The following CDK14 variants were observed in gnomAD, a reference collection of about 807,000 sequenced individuals.
CDK14 encodes cyclin dependent kinase 14.
CDK14 carries 34 observed loss-of-function variants against 60.7 expected under a neutral mutation model. The ratio of observed to expected loss-of-function variants is 0.56; its 90% confidence interval spans 0.43 to 0.75. The LOEUF (loss-of-function observed/expected upper bound fraction) is 0.75. Among genes scored for constraint, CDK14 ranks in the 30% least tolerant of loss-of-function variants. The pLI, the probability that CDK14 is intolerant of heterozygous loss-of-function variation, is 0.00. For missense variants in CDK14, 482 were observed against 564.1 expected, an observed-to-expected ratio of 0.85 and a Z score of 1.47; for synonymous variants, 197 against 203.7, an observed-to-expected ratio of 0.97 and a Z score of 0.28.
intron 6 of CDK14, among the ~76,000 whole-genome samples, chr7:90,890,217 A>G (rs1359523160): frequency 2.0e-5 from 3 of 152,194 alleles, no homozygotes; most frequent in African/African-American, 4.8e-5. Context: ...TGTAAAAATT[A>G]AGAAAATTAG....
chr7:90,773,548 C>G (rs923465193), intron 4 of CDK14, among the ~76,000 whole-genome samples: 6 of 152,304 alleles, frequency 3.9e-5, no homozygotes, highest in African/African-American at 1.2e-4. Context: ...ACTCTGTCAC[C>G]TATTCTAGAG....
At chr7:91,189,456 T>G (rs1292225520) in intron 14 of CDK14, among the ~76,000 whole-genome samples, 1 of 152,212 alleles carries the variant, frequency 6.6e-6, no homozygotes, top group Non-Finnish European at 1.5e-5. Flanking sequence ...TATTGATAGT[T>G]TATGTGTATC....
At chr7:91,094,024 G>T (rs1222121078) in intron 12 of CDK14, among the ~76,000 whole-genome samples, 1 of 152,036 alleles carries the variant, frequency 6.6e-6, no homozygotes, top group Admixed American at 6.6e-5. Context: ...GGGACTATTG[G>T]GAGGAGGGGG....
chr7:90,764,575 A>G (rs554817908), intron 4 of CDK14, among the ~76,000 whole-genome samples: 119 of 152,326 alleles, frequency 7.8e-4, no homozygotes, highest in Non-Finnish European at 1.5e-3. Flanking sequence ...AGAGTAATTC[A>G]GTGCAAGATT....
chr7:91,083,921 A>C lies in CDK14; in HGVS notation c.1154+4441A>C, dbSNP rs562125721. Among the ~76,000 whole-genome samples, 5 of 152,342 alleles carry C rather than the reference A, an allele frequency of 3.3e-5. No homozygotes were observed. The East Asian group carries it at 9.7e-4, about 29-fold the overall frequency. On this transcript the variant is annotated intron_variant, in intron 12 of 14. Transcript: ENST00000380050. ...GTGGCAACAGCATAAATGTGAAAGC[A>C]TATGAAACGGACATAGTCAAAGGCC...
intron 2 of CDK14, among the ~76,000 whole-genome samples, chr7:90,659,875 C>CTCTGTGTGTG (rs1235758434): frequency 7.8e-6 from 1 of 128,976 alleles, no homozygotes; most frequent in African/African-American, 3.1e-5. Context: ...CTCTCTCTCT[C>CTCTGTGTGTG]TGTGTGTGTG....
intron 12 of CDK14, among the ~76,000 whole-genome samples, chr7:91,080,603 A>T (rs1374830251): frequency 6.6e-6 from 1 of 152,106 alleles, no homozygotes; most frequent in South Asian, 2.1e-4. Context: ...CCATTTCCTG[A>T]TCACTGGTCT....
intron 5 of CDK14, among the ~76,000 whole-genome samples, chr7:90,808,314 C>A (rs1349203772): frequency 1.3e-5 from 2 of 152,198 alleles, no homozygotes; most frequent in Non-Finnish European, 2.9e-5. Flanking sequence ...CAATATTCAA[C>A]ATTCTTAAAG....
intron 2 of CDK14, among the ~76,000 whole-genome samples, chr7:90,705,171 A>T (rs1801870660): frequency 6.6e-6 from 1 of 151,236 alleles, no homozygotes; most frequent in Non-Finnish European, 1.5e-5. Context: ...CCTTTCTTTT[A>T]GACTTAAAAG....
chr7:90,699,707 G>C (rs1038278877), intron 2 of CDK14, among the ~76,000 whole-genome samples: 3 of 152,198 alleles, frequency 2.0e-5, no homozygotes, highest in African/African-American at 7.2e-5. Context: ...CTGAAACAAG[G>C]TGGATCCATG....
rs201206082 is a variant in CDK14 at position 90,801,726 on chromosome 7, CT to C, written c.544+11080del. 5.7e-3 allele frequency among the ~76,000 whole-genome samples: 871 copies of C among 152,188 alleles called. 15 individuals are homozygous for C. The highest frequency in any genetic ancestry group is 0.02 in the African/African-American group (824 of 41,530). Reference sequence around the variant, plus strand: ...GACATGTTTTTTTATCCAGATACATCTTTTTTATCTTTGAGTAGATTCCTGG... The same window carrying C: ...GACATGTTTTTTTATCCAGATACATCTTTTTATCTTTGAGTAGATTCCTGG... On this transcript the variant is annotated intron_variant, in intron 5 of 14. Coordinates refer to ENST00000380050, the MANE Select transcript of CDK14 (RefSeq NM_001287135.2).
chr7:91,009,705 G>A (rs945151212), intron 10 of CDK14, among the ~76,000 whole-genome samples: 1 of 152,048 alleles, frequency 6.6e-6, no homozygotes, highest in African/African-American at 2.4e-5. Context: ...TGATCATTGA[G>A]TTTTGAGAGT....
intron 5 of CDK14, among the ~76,000 whole-genome samples, chr7:90,814,213 T>A (rs1057084046): frequency 6.6e-6 from 1 of 152,010 alleles, no homozygotes; most frequent in South Asian, 2.1e-4. Flanking sequence ...AGGGAAAGAG[T>A]GAGATAGAAA....
chr7:90,811,639 C>T (rs951168820), intron 5 of CDK14, among the ~76,000 whole-genome samples: 1 of 151,088 alleles, frequency 6.6e-6, no homozygotes, highest in Admixed American at 6.6e-5. Flanking sequence ...AACTAAAGAG[C>T]TTCTGCACAG....
At chr7:91,064,187 G>T (rs972802776) in intron 11 of CDK14, among the ~76,000 whole-genome samples, 9 of 152,330 alleles carry the variant, frequency 5.9e-5, no homozygotes, top group African/African-American at 2.2e-4. Flanking sequence ...AATCTTGTTT[G>T]TATGCATGTT....
chr7:90,648,174 A>G (rs1453012757), intron 2 of CDK14, among the ~76,000 whole-genome samples: 2 of 152,112 alleles, frequency 1.3e-5, no homozygotes, highest in East Asian at 3.9e-4. Context: ...GTTGCGGTCA[A>G]GATGGCGGTT....
chr7:90,929,015 C>T (rs560850995), intron 8 of CDK14, among the ~76,000 whole-genome samples: 2 of 152,242 alleles, frequency 1.3e-5, no homozygotes, highest in African/African-American at 4.8e-5. Flanking sequence ...ATGGGACCCT[C>T]TGAGCCAGGC....
chr7:91,187,182 C>T (rs1254926554), intron 14 of CDK14, among the ~76,000 whole-genome samples: 2 of 152,104 alleles, frequency 1.3e-5, no homozygotes, highest in African/African-American at 2.4e-5. Flanking sequence ...CTGATGAATA[C>T]TCATCTCGTA....
intron 9 of CDK14, among the ~76,000 whole-genome samples, chr7:90,971,405 T>TC (rs762915353): frequency 4.6e-5 from 7 of 152,102 alleles, no homozygotes; most frequent in Non-Finnish European, 8.8e-5. Flanking sequence ...TGGTAATTAC[T>TC]CTGCCTGACT....
Sources: gnomAD v4.1 joint callset for allele counts (sites outside exome capture counted in the v4.1 genomes callset) on GRCh38, gnomAD v4.1.1 for gene constraint, MANE v1.5 for transcripts, NCBI Gene and HGNC (gene_info 2026-07-23, HGNC 2026-07-21) for gene names.